MICAL2: variants seen among roughly 807,000 people sequenced by gnomAD.
The protein encoded by MICAL2 is microtubule associated monooxygenase, calponin and LIM domain containing 2.
A neutral mutation model predicts 127.3 loss-of-function variants in MICAL2; 77 were observed. That is an observed-to-expected ratio of 0.60 (90% CI 0.50 to 0.73). The LOEUF (loss-of-function observed/expected upper bound fraction) is 0.73, where lower values mean the gene tolerates loss of function less well. Ranked by LOEUF, MICAL2 falls within the 30% of genes least tolerant of loss-of-function variation. MICAL2 has a pLI of 0.00. For missense variants in MICAL2, 1,351 were observed against 1,434.4 expected, an observed-to-expected ratio of 0.94 and a Z score of 0.94; for synonymous variants, 570 against 551.1, an observed-to-expected ratio of 1.03 and a Z score of -0.48.
chr11:12,305,912 C>A (rs921653218), intron 29 of MICAL2, among the ~76,000 whole-genome samples: 2 of 150,892 alleles, frequency 1.3e-5, no homozygotes, highest in Non-Finnish European at 2.9e-5. Context: ...TGATTAAAGA[C>A]GTTTGATAGC....
At chr11:12,128,824 T>C (rs1270193892) in intron 1 of MICAL2, among the ~76,000 whole-genome samples, 3 of 152,236 alleles carry the variant, frequency 2.0e-5, no homozygotes, top group Non-Finnish European at 2.9e-5. Flanking sequence ...GAAGTCAATT[T>C]CTTTGTGCCT....
downstream of MICAL2, among the ~76,000 whole-genome samples, chr11:12,361,793 C>A (rs967805243): frequency 2.6e-5 from 4 of 152,238 alleles, no homozygotes; most frequent in African/African-American, 9.6e-5. Flanking sequence ...TCCTTCCAAA[C>A]TGAAAATGGC....
At chr11:12,226,651 G>GTTTTT in intron 14 of MICAL2, among the ~76,000 whole-genome samples, 1 of 126,368 alleles carries the variant, frequency 7.9e-6, no homozygotes, top group Middle Eastern at 3.9e-3. Flanking sequence ...TTTGTTTTTG[G>GTTTTT]TTTTTTTTTT....
At chr11:12,315,536 G>A (rs140789577) in intron 29 of MICAL2, among the ~76,000 whole-genome samples, 50 of 152,106 alleles carry the variant, frequency 3.3e-4, no homozygotes, top group Admixed American at 1.6e-3. Flanking sequence ...AATATTTTGT[G>A]GATATTCCAG....
chr11:12,177,009 T>A (rs1393182437), intron 3 of MICAL2, among the ~76,000 whole-genome samples: 1 of 152,200 alleles, frequency 6.6e-6, no homozygotes, highest in Non-Finnish European at 1.5e-5. Flanking sequence ...TTCTTTTGGG[T>A]ATGTGGTATA....
intron 3 of MICAL2, among the ~76,000 whole-genome samples, chr11:12,199,610 G>T (rs75950799): frequency 6.6e-6 from 1 of 152,066 alleles, no homozygotes; most frequent in South Asian, 2.1e-4. Context: ...TGAGAGGGGC[G>T]GCTGGAAGAT....
At chr11:12,304,684 AC>A (rs1864088732) in intron 29 of MICAL2, among the ~76,000 whole-genome samples, 3 of 151,496 alleles carry the variant, frequency 2.0e-5, no homozygotes, top group Admixed American at 6.6e-5. Flanking sequence ...ACACACACAC[AC>A]ACACACACAA....
chr11:12,149,138 A>C (rs1044753461), intron 2 of MICAL2, among the ~76,000 whole-genome samples: 1 of 152,168 alleles, frequency 6.6e-6, no homozygotes, highest in African/African-American at 2.4e-5. Context: ...CCAGATAGGC[A>C]TTCCAGACAG....
In MICAL2 at chr11:12,241,828, C is replaced by T. The variant is rs1010488255; in HGVS notation, c.2338-386C>T. ...CAGCAATTTTTATGTCTGTCTGCCT[C>T]ACCTGGGGAACTTTTAAAAAACTAC... is the stretch of plus-strand genomic sequence containing the variant. On this transcript the variant is annotated intron_variant, in intron 18 of 27. Coordinates refer to ENST00000683283, the MANE Select transcript of MICAL2 (RefSeq NM_001282663.2). 3.3e-5 allele frequency among the ~76,000 whole-genome samples: 5 copies of T among 152,188 alleles called. No individual in the cohort carries two copies. In the South Asian group the frequency reaches 8.3e-4, roughly 25 times the overall value.
chr11:12,261,904 T>G, intron 26 of MICAL2: 1 of 986,318 alleles, frequency 1.0e-6, no homozygotes, highest in Non-Finnish European at 1.2e-6. Flanking sequence ...GTATAGAAAG[T>G]AAATTTTTGA....
At chr11:12,146,762 CAT>C (rs1852953589) in intron 2 of MICAL2, among the ~76,000 whole-genome samples, 1 of 152,164 alleles carries the variant, frequency 6.6e-6, no homozygotes, top group Non-Finnish European at 1.5e-5. Context: ...CACATGCACA[CAT>C]ATGTTTATTG....
At position 12,203,378 on chromosome 11, in the gene MICAL2, C is replaced by T. The variant is rs1223104416; in HGVS notation, c.265-872C>T. 2.6e-5 allele frequency among the ~76,000 whole-genome samples: 4 copies of T among 152,188 alleles called. No homozygotes were observed. In the East Asian group the frequency reaches 7.7e-4, roughly 29 times the overall value. ...GTATCTGCACCAATTTATTTTCCCA[C>T]CAGCAATGTATGAGGGTTTCAATTT... On this transcript the variant is annotated intron_variant, in intron 3 of 27. Coordinates refer to ENST00000683283, the MANE Select transcript of MICAL2 (RefSeq NM_001282663.2).
chr11:12,217,381 C>A (rs1216358315), intron 8 of MICAL2, among the ~76,000 whole-genome samples: 1 of 152,172 alleles, frequency 6.6e-6, no homozygotes, highest in Non-Finnish European at 1.5e-5. Flanking sequence ...TTGCTGAGAG[C>A]CTGAGTTGTA....
chr11:12,251,748 A>G (rs1861593599), intron 22 of MICAL2, among the ~76,000 whole-genome samples: 1 of 152,106 alleles, frequency 6.6e-6, no homozygotes, highest in Non-Finnish European at 1.5e-5. Context: ...GCTGCAGGAC[A>G]ATGGAGCAGC....
At chr11:12,318,211 A>G (rs1864252140) in intron 29 of MICAL2, among the ~76,000 whole-genome samples, 1 of 152,210 alleles carries the variant, frequency 6.6e-6, no homozygotes, top group Non-Finnish European at 1.5e-5. Context: ...GTTAGAAATC[A>G]TGATCCTGAG....
intron 2 of MICAL2, among the ~76,000 whole-genome samples, chr11:12,143,638 T>A (rs565899156): frequency 2.0e-5 from 3 of 152,322 alleles, no homozygotes; most frequent in East Asian, 3.9e-4. Flanking sequence ...ATATTTAAAA[T>A]GTCTCAGATT....
At chr11:12,304,417 G>C (rs1864084624) in intron 29 of MICAL2, among the ~76,000 whole-genome samples, 1 of 152,036 alleles carries the variant, frequency 6.6e-6, no homozygotes, top group African/African-American at 2.4e-5. Flanking sequence ...GATCACCTGA[G>C]GTGGGCAGTT....
intron 15 of MICAL2, among the ~76,000 whole-genome samples, chr11:12,233,668 G>T (rs1858620262): frequency 6.6e-6 from 1 of 152,128 alleles, no homozygotes; most frequent in Non-Finnish European, 1.5e-5. Flanking sequence ...AAATCATTGG[G>T]AAATCATGAT....
chr11:12,201,711 C>A (rs1283628525), intron 3 of MICAL2, among the ~76,000 whole-genome samples: 1 of 152,230 alleles, frequency 6.6e-6, no homozygotes, highest in East Asian at 1.9e-4. Context: ...TTTCAGCATG[C>A]AGTGTCCATT....
Sources: allele counts gnomAD v4.1 joint callset (sites outside exome capture counted in the v4.1 genomes callset), GRCh38; gene constraint gnomAD v4.1.1; transcripts MANE v1.5; gene names NCBI Gene and HGNC (gene_info 2026-07-23, HGNC 2026-07-21).